MAPK10: variants seen among roughly 807,000 people sequenced by gnomAD.
MAPK10 encodes the protein JNK3 alpha protein kinase.
MAPK10 carries 25 observed loss-of-function variants against 59.3 expected under a neutral mutation model. The observed-to-expected ratio is 0.42, with a 90% CI of 0.31 to 0.59. The LOEUF (loss-of-function observed/expected upper bound fraction) is 0.59. MAPK10 is among the 20% of genes least tolerant of loss of function. The pLI, the probability that MAPK10 is intolerant of heterozygous loss-of-function variation, is 0.15. For synonymous variants in MAPK10, 190 were observed against 200.5 expected, an observed-to-expected ratio of 0.95 and a Z score of 0.44; for missense variants, 351 against 568.9, an observed-to-expected ratio of 0.62 and a Z score of 3.90.
intron 1 of MAPK10, among the ~76,000 whole-genome samples, chr4:86,369,745 G>A (rs770909359): frequency 1.3e-5 from 2 of 152,166 alleles, no homozygotes; most frequent in Admixed American, 1.3e-4. Context: ...AATGATAATA[G>A]TAGTTAAATT....
rs1049134787 is a variant in MAPK10 at position 86,358,324 on chromosome 4, G to A, written c.-122+1334C>T. On this transcript the variant is annotated intron_variant, in intron 1 of 13. Coordinates refer to ENST00000641462, the MANE Select transcript of MAPK10 (RefSeq NM_138982.4). ...CCAGGGTCCGACAACTAGCCGATGA[G>A]GGATAGAAGGAGATATTGGATGTTG... 1.5e-5 allele frequency: 15 copies of A among 985,288 alleles called. No homozygotes were observed. In the African/African-American group the frequency reaches 2.3e-4, roughly 15 times the overall value. The allele number at this position is 985,288 out of a possible 1,614,324, so 61.0% of individuals were successfully genotyped here.
intron 2 of MAPK10, among the ~76,000 whole-genome samples, chr4:86,292,990 C>T (rs186691448): frequency 1.8e-4 from 27 of 152,306 alleles, no homozygotes; most frequent in Admixed American, 1.4e-3. Flanking sequence ...TTGTCAGGAA[C>T]GCTGCTAGCA....
rs983102568 is a variant in MAPK10 at position 86,159,326 on chromosome 4, T to C, written c.208A>G (p.Ile70Val). 3.7e-6 allele frequency: 6 copies of C among 1,611,376 alleles called. No homozygotes were observed. The highest frequency in any genetic ancestry group is 1.7e-4 in the Middle Eastern group (1 of 6,044). ...ACTATGCCCTGAGCCCCAGAGCCAA[T>C]AGGCTTTAGATTCTGGTAGCGCTTG... ...VLKRYQNLKP[I>V]GSGAQGIVCA... The change falls in exon 4 of 14, where the codon ATT becomes GTT. Residue 70 changes from isoleucine to valine, a missense_variant. Physicochemically the swap from Ile to Val is conservative, Grantham distance 29. This residue lies in a region of MAPK10 where 8 missense variants were observed against 35.8 expected (regional missense o/e 0.22). Transcript: ENST00000641462.
intron 2 of MAPK10, among the ~76,000 whole-genome samples, chr4:86,236,713 G>C (rs1471414358): frequency 6.6e-6 from 1 of 152,144 alleles, no homozygotes; most frequent in African/African-American, 2.4e-5. Flanking sequence ...AGATGGAAAC[G>C]CAGGTCCTGG....
intron 11 of MAPK10, among the ~76,000 whole-genome samples, chr4:86,062,476 A>G (rs1195330344): frequency 1.3e-5 from 2 of 152,182 alleles, no homozygotes; most frequent in African/African-American, 4.8e-5. Flanking sequence ...TATAGATTCC[A>G]AGCAACTATC....
chr4:86,058,874 T>C (rs943614900), intron 11 of MAPK10, among the ~76,000 whole-genome samples: 10 of 152,118 alleles, frequency 6.6e-5, no homozygotes, highest in African/African-American at 2.4e-4. Context: ...GACCACAGGC[T>C]TCTGATTCCC....
intron 2 of MAPK10, among the ~76,000 whole-genome samples, chr4:86,210,744 C>T (rs750465082): frequency 7.3e-5 from 11 of 150,458 alleles, no homozygotes; most frequent in Non-Finnish European, 1.2e-4. Context: ...AGACAGAAAA[C>T]GATCCCTGAG....
Position 86,073,634 on chromosome 4 carries a change from C to G in MAPK10, c.803-5679G>C, listed in dbSNP as rs1160740164. 1.8e-5 allele frequency among the ~76,000 whole-genome samples: 2 copies of G among 110,838 alleles called. 1 individual carries two copies. Among genetic ancestry groups the G allele is most frequent in the Non-Finnish European group, 3.9e-5 (2 of 51,202 alleles). The allele number at this position is 110,838 out of a possible 152,430, so 72.7% of individuals were successfully genotyped here. On this transcript the variant is annotated intron_variant, in intron 9 of 13. Coordinates refer to ENST00000641462, the MANE Select transcript of MAPK10 (RefSeq NM_138982.4). The stretch of plus-strand genomic sequence containing the variant: ...GTTTCAAAGAACATCTTTATTTCTG[C>G]CTTCATTTCGTTATGTACCCAGTAG...
At chr4:86,140,620 A>T (rs2063428906) in intron 4 of MAPK10, among the ~76,000 whole-genome samples, 1 of 151,450 alleles carries the variant, frequency 6.6e-6, no homozygotes. Flanking sequence ...CCAGCATGGC[A>T]CATGTATACA....
intron 9 of MAPK10, among the ~76,000 whole-genome samples, chr4:86,078,604 T>TAC (rs35865395): frequency 0.026 from 3,819 of 149,740 alleles, 50 homozygotes; most frequent in Middle Eastern, 0.041. Flanking sequence ...TATATATATA[T>TAC]ACACACACAC....
At chr4:86,044,072 A>G (rs1318320477) in intron 11 of MAPK10, among the ~76,000 whole-genome samples, 3 of 152,154 alleles carry the variant, frequency 2.0e-5, no homozygotes, top group Non-Finnish European at 4.4e-5. Context: ...AACAGCAGGG[A>G]AAAAGGCGAC....
At chr4:86,047,243 G>A (rs1164931133) in intron 11 of MAPK10, among the ~76,000 whole-genome samples, 2 of 152,116 alleles carry the variant, frequency 1.3e-5, no homozygotes, top group South Asian at 2.1e-4. Context: ...GGGGGCGGCC[G>A]AAGAGTACTA....
At position 86,357,408 on chromosome 4, in the gene MAPK10, T is replaced by G. The variant is rs140375953; in HGVS notation, c.-122+2250A>C. Among the ~76,000 whole-genome samples the G allele has an allele frequency of 3.5e-3, 530 of 152,280 alleles. 2 individuals carry two copies. Among genetic ancestry groups the G allele is most frequent in the African/African-American group, 0.012 (502 of 41,572 alleles). On this transcript the variant is annotated intron_variant, in intron 1 of 13. Transcript: ENST00000641462. ...CCACAATAAAACCTTAAAAATATATTTATGCCTTTAAACATGGGAGGTTTT... is the reference window on the plus strand; with the variant it reads ...CCACAATAAAACCTTAAAAATATATGTATGCCTTTAAACATGGGAGGTTTT...
chr4:86,092,349 G>A (rs1422989492), intron 9 of MAPK10, among the ~76,000 whole-genome samples: 1 of 151,920 alleles, frequency 6.6e-6, no homozygotes, highest in Non-Finnish European at 1.5e-5. Context: ...GAAATGATAA[G>A]CTCTGTTATC....
At chr4:86,230,643 T>C (rs556731734) in intron 2 of MAPK10, among the ~76,000 whole-genome samples, 1 of 152,336 alleles carries the variant, frequency 6.6e-6, no homozygotes, top group East Asian at 1.9e-4. Flanking sequence ...CTTATACAAG[T>C]TCACTTATTA....
chr4:86,299,756 AAAAG>A lies in MAPK10; in HGVS notation c.-7+54770_-7+54773del, dbSNP rs367652133. Among the ~76,000 whole-genome samples the A allele has an allele frequency of 1.4e-3, 209 of 152,342 alleles. 1 individual carries two copies. The highest frequency in any genetic ancestry group is 4.8e-3 in the African/African-American group (198 of 41,590). The stretch of plus-strand genomic sequence containing the variant: ...GCTATTTACAAAGAAAGCATCCAGG[AAAAG>A]AGTTTAATTATAGTATTTGAGAGCA... On this transcript the variant is annotated intron_variant, in intron 2 of 13. Coordinates refer to ENST00000641462, the MANE Select transcript of MAPK10 (RefSeq NM_138982.4).
intron 3 of MAPK10, among the ~76,000 whole-genome samples, chr4:86,166,631 G>C (rs1217502310): frequency 6.6e-6 from 1 of 152,048 alleles, no homozygotes; most frequent in African/African-American, 2.4e-5. Context: ...AGAATTACAG[G>C]ATAAGAAGAT....
At chr4:86,215,857 A>G (rs7655797) in intron 2 of MAPK10, among the ~76,000 whole-genome samples, 49,937 of 152,050 alleles carry the variant, frequency 0.33, 11,145 homozygotes, top group African/African-American at 0.64. Flanking sequence ...TTGAGACTCC[A>G]TCTCAAAAAG....
In MAPK10 at chr4:86,062,606, A is replaced by T. The variant is rs78107902; in HGVS notation, c.1110+1660T>A. Among the ~76,000 whole-genome samples the T allele has an allele frequency of 2.1e-3, 324 of 152,246 alleles. 7 individuals are homozygous for T. Among genetic ancestry groups the T allele is most frequent in the Admixed American group, 0.019 (290 of 15,284 alleles). On this transcript the variant is annotated intron_variant, in intron 11 of 13. Coordinates refer to ENST00000641462, the MANE Select transcript of MAPK10 (RefSeq NM_138982.4). ...ACATATTAAGTTAGATATAAGAAAAAATAAATATGCCACATAGTGAGGCAT... is the reference window on the plus strand; with the variant it reads ...ACATATTAAGTTAGATATAAGAAAATATAAATATGCCACATAGTGAGGCAT...
Sources: allele counts gnomAD v4.1 joint callset (sites outside exome capture counted in the v4.1 genomes callset), GRCh38; gene constraint gnomAD v4.1.1; regional missense constraint gnomAD v4.1.1; transcripts MANE v1.5; gene names NCBI Gene and HGNC (gene_info 2026-07-23, HGNC 2026-07-21).